LMF1: variants seen among roughly 807,000 people sequenced by gnomAD.
LMF1 encodes lipase maturation factor 1.
LMF1 carries 68 observed loss-of-function variants against 60.6 expected under a neutral mutation model. The ratio of observed to expected loss-of-function variants is 1.12; its 90% CI spans 0.92 to 1.37. The LOEUF (loss-of-function observed/expected upper bound fraction) is 1.37. Ranked by LOEUF, LMF1 falls within the 40% of genes most tolerant of loss-of-function variation. The pLI is 0.00. For missense variants in LMF1, 948 were observed against 767.2 expected (o/e 1.24, Z -2.78); for synonymous variants, 418 against 324.7 (o/e 1.29, Z -3.09).
intron 6 of LMF1, 87 bp from the exon 7 acceptor site, chr16:871,428 G>C: frequency 1.5e-6 from 2 of 1,367,758 alleles, no homozygotes; most frequent in East Asian, 2.4e-5. Context: ...AGCAGGGAGG[G>C]GGGAGGGAAC....
At chr16:946,299 G>A (rs770085939) in intron 2 of LMF1, among the ~76,000 whole-genome samples, 2 of 152,240 alleles carry the variant, frequency 1.3e-5, no homozygotes, top group Non-Finnish European at 2.9e-5. Flanking sequence ...GTAGCCACTT[G>A]TGTGCTTTCC....
chr16:967,338 C>T (rs543702743), intron 1 of LMF1, among the ~76,000 whole-genome samples: 3 of 152,346 alleles, frequency 2.0e-5, no homozygotes, highest in South Asian at 2.1e-4. Flanking sequence ...CGTCGACGCA[C>T]GACCCTGGGG....
In LMF1 at chr16:860,007, C is replaced by G. The variant is rs140950285; in HGVS notation, c.1530-5301G>C. 4.5e-3 allele frequency among the ~76,000 whole-genome samples: 677 copies of G among 151,618 alleles called. 12 individuals are homozygous for G. The highest frequency in any genetic ancestry group is 0.016 in the African/African-American group (635 of 40,922). ...TGGTGTTATGGTGGTTTTTGCTTCT[C>G]TAATGACAGGCATTTCTCCTGAGCT... On this transcript the variant is annotated intron_variant, in intron 10 of 10. Transcript: ENST00000262301.
At chr16:971,420 G>A (rs1427644861), upstream of LMF1, among the ~76,000 whole-genome samples, 2 of 152,264 alleles carry the variant, frequency 1.3e-5, no homozygotes, top group Admixed American at 1.3e-4. Context: ...CCTCACAGCT[G>A]ACACTCACTC....
chr16:956,522 T>C (rs1292442720), intron 1 of LMF1, among the ~76,000 whole-genome samples: 1 of 152,058 alleles, frequency 6.6e-6, no homozygotes, highest in Admixed American at 6.5e-5. Flanking sequence ...CAAAAGAAAG[T>C]GGAAGTGGCT....
rs181742669 is a variant in LMF1, at chr16:854,434, C to T, written c.*98G>A. On this transcript the variant is annotated 3_prime_UTR_variant, in exon 11 of 11. Transcript: ENST00000262301. ...GGTCCCACCGCTCTCCTCTCCACGT[C>T]TCTCTTGGCGATGCCCAGCTTGGGC... The T allele has an allele frequency of 4.5e-4, 562 of 1,251,624 alleles. 3 individuals are homozygous for T. The African/African-American group carries it at 6.2e-3, about 14-fold the overall frequency. The allele number at this position is 1,251,624 out of a possible 1,614,324, so 77.5% of individuals were successfully genotyped here.
At chr16:862,955 A>G (rs1023766448) in intron 10 of LMF1, among the ~76,000 whole-genome samples, 1 of 152,172 alleles carries the variant, frequency 6.6e-6, no homozygotes, top group Non-Finnish European at 1.5e-5. Context: ...CAGTGAAACC[A>G]TCTGAGCCTG....
chr16:898,408 G>C (rs571337920), intron 4 of LMF1, among the ~76,000 whole-genome samples: 2 of 152,232 alleles, frequency 1.3e-5, no homozygotes, highest in African/African-American at 2.4e-5. Context: ...CCAGCCGGGA[G>C]AGCCTGGGCT....
chr16:868,783 G>C lies in LMF1; in HGVS notation c.1529+161C>G, dbSNP rs1035269256. The stretch of plus-strand genomic sequence containing the variant: ...GCCAAGGCTGATGTGGGGCGGGGGG[G>C]GGGGGCCCTTTTTGCTCCCAGCAGG... On this transcript the variant is annotated intron_variant, in intron 10 of 10. Coordinates refer to ENST00000262301, the MANE Select transcript of LMF1 (RefSeq NM_022773.4). Among the ~76,000 whole-genome samples, 48 of 143,278 alleles carry C rather than the reference G, an allele frequency of 3.4e-4. No homozygotes were observed. The East Asian group carries it at 0.01, about 31-fold the overall frequency. The allele number at this position is 143,278 out of a possible 152,430, so 94.0% of individuals were successfully genotyped here. A position where few individuals can be genotyped will look rare whatever the true frequency, so the allele number is the denominator to read the frequency against.
chr16:971,015 A>C (rs1351293764), upstream of LMF1: 20 of 609,130 alleles, frequency 3.3e-5, no homozygotes, highest in Admixed American at 1.5e-3. Flanking sequence ...GGCCCCGCCC[A>C]TTCTCGGAGG....
At chr16:968,118 G>A (rs879882910) in intron 1 of LMF1, among the ~76,000 whole-genome samples, 3 of 152,190 alleles carry the variant, frequency 2.0e-5, no homozygotes, top group East Asian at 1.9e-4. Context: ...TACACACCTC[G>A]GTGGCAGCAC....
intron 10 of LMF1, among the ~76,000 whole-genome samples, chr16:856,316 C>G (rs1026750168): frequency 6.6e-6 from 1 of 152,178 alleles, no homozygotes; most frequent in Admixed American, 6.5e-5. Flanking sequence ...AGAAGTCACA[C>G]TGGACCCCGA....
chr16:887,052 C>T (rs1450420526), intron 5 of LMF1: 1 of 151,990 alleles, frequency 6.6e-6, no homozygotes, highest in Non-Finnish European at 1.5e-5. Context: ...CATTTACAGT[C>T]TTCACGGGCG....
intron 4 of LMF1, among the ~76,000 whole-genome samples, chr16:909,146 G>A (rs1379741775): frequency 6.6e-6 from 1 of 152,186 alleles, no homozygotes; most frequent in East Asian, 1.9e-4. Context: ...CCACCAGGGA[G>A]CACCTCAAGA....
intron 2 of LMF1, among the ~76,000 whole-genome samples, chr16:942,287 C>T (rs975359277): frequency 1.8e-4 from 28 of 152,200 alleles, no homozygotes; most frequent in African/African-American, 6.8e-4. Flanking sequence ...AATCTTTATT[C>T]TTTGAGTGTA....
chr16:859,232 C>T (rs2069340054), intron 10 of LMF1, among the ~76,000 whole-genome samples: 1 of 113,100 alleles, frequency 8.8e-6, no homozygotes, highest in Admixed American at 8.9e-5. Context: ...GCAGTGGTGT[C>T]ACGGGACGGG....
chr16:933,905 C>A, intron 3 of LMF1: 1 of 1,258,462 alleles, frequency 7.9e-7, no homozygotes, highest in Non-Finnish European at 1.0e-6. Context: ...CTTCTCTATG[C>A]CGAGGGGCAC....
intron 1 of LMF1, chr16:976,489 CG>C (rs2073148538): frequency 4.4e-6 from 2 of 454,006 alleles, no homozygotes; most frequent in South Asian, 1.6e-5. Context: ...CCTCCCTCGA[CG>C]GAAGGTGACG....
Position 871,238 on chromosome 16 carries a change from G to C in LMF1, c.1001C>G (p.Ser334Cys), listed in dbSNP as rs765992133. 3 of 1,612,184 alleles carry C rather than the reference G, an allele frequency of 1.9e-6. No homozygotes were observed. Among genetic ancestry groups the C allele is most frequent in the Non-Finnish European group, 8.5e-7 (1 of 1,179,724 alleles). Reference protein sequence around the residue: ...DDATLGFLFPSGPGSLKDRVL... With the variant: ...DDATLGFLFPCGPGSLKDRVL... Reference sequence around the variant, plus strand: ...TCGGTCCTTCAGGCTGCCTGGCCCAGAGGGGAACAAGAATCCCAGGGTGGC... The same window carrying C: ...TCGGTCCTTCAGGCTGCCTGGCCCACAGGGGAACAAGAATCCCAGGGTGGC... Residue 334 changes from serine (S) to cysteine (C), a missense_variant, in exon 7 of 11, where the codon TCT becomes TGT. By Grantham distance (112) the Ser-to-Cys change is moderately radical. Coordinates refer to ENST00000262301, the MANE Select transcript of LMF1 (RefSeq NM_022773.4).
Sources: allele counts gnomAD v4.1 joint callset (sites outside exome capture counted in the v4.1 genomes callset), GRCh38; gene constraint gnomAD v4.1.1; transcripts MANE v1.5; gene names NCBI Gene and HGNC (gene_info 2026-07-23, HGNC 2026-07-21).